The following PRKG1 variants were observed in gnomAD, a reference collection of about 807,000 sequenced individuals.
PRKG1 encodes cGMP-dependent protein kinase 1.
A neutral mutation model predicts 88.1 loss-of-function variants in PRKG1; 35 were observed. That is an observed-to-expected ratio of 0.40 (90% CI 0.30 to 0.53). PRKG1 has a LOEUF of 0.53. Among genes scored for constraint, PRKG1 ranks in the 20% least tolerant of loss-of-function variants. The pLI, the probability that PRKG1 is intolerant of heterozygous loss-of-function variation, is 0.59. For missense variants in PRKG1, 540 were observed against 839.8 expected, an observed-to-expected ratio of 0.64 and a Z score of 4.41; for synonymous variants, 303 against 292.5, an observed-to-expected ratio of 1.04 and a Z score of -0.37.
chr10:52,063,804 C>G (rs1846293552), intron 7 of PRKG1, among the ~76,000 whole-genome samples: 1 of 151,972 alleles, frequency 6.6e-6, no homozygotes, highest in Admixed American at 6.6e-5. Context: ...GAGAGGGTAG[C>G]TCCTCTCTGC....
At chr10:51,033,175 A>G (rs1191674481) in intron 1 of PRKG1, among the ~76,000 whole-genome samples, 1 of 152,130 alleles carries the variant, frequency 6.6e-6, no homozygotes, top group Non-Finnish European at 1.5e-5. Context: ...TCCTATGTCC[A>G]GTTACTCATA....
At chr10:51,389,590 G>T (rs1257126645) in intron 2 of PRKG1, among the ~76,000 whole-genome samples, 2 of 152,058 alleles carry the variant, frequency 1.3e-5, no homozygotes, top group Non-Finnish European at 2.9e-5. Context: ...CTTGGTGGGT[G>T]TCCCATCAAG....
At chr10:51,959,143 G>T (rs77944580) in intron 5 of PRKG1, among the ~76,000 whole-genome samples, 13,364 of 152,158 alleles carry the variant, frequency 0.088, 800 homozygotes, top group Middle Eastern at 0.13. Context: ...TTTATTTCAG[G>T]TGTAATTCAG....
At chr10:51,968,246 G>A (rs151299066) in intron 5 of PRKG1, among the ~76,000 whole-genome samples, 447 of 152,160 alleles carry the variant, frequency 2.9e-3, no homozygotes, top group Non-Finnish European at 5.0e-3. Flanking sequence ...AGAGTACCAG[G>A]AGACCAAGGC....
At chr10:51,057,395 A>C (rs118033231) in intron 1 of PRKG1, among the ~76,000 whole-genome samples, 3,515 of 152,310 alleles carry the variant, frequency 0.023, 57 homozygotes, top group Non-Finnish European at 0.039. Flanking sequence ...TAAAATCAAT[A>C]TGGATTTTGT....
intron 3 of PRKG1, among the ~76,000 whole-genome samples, chr10:51,678,997 AT>A (rs1454752841): frequency 2.0e-5 from 3 of 152,246 alleles, no homozygotes; most frequent in Admixed American, 2.0e-4. Flanking sequence ...ATAGATATTT[AT>A]AAATTTTAAT....
intron 5 of PRKG1, among the ~76,000 whole-genome samples, chr10:52,015,220 T>A (rs1041873599): frequency 7.9e-5 from 12 of 152,272 alleles, no homozygotes; most frequent in African/African-American, 2.6e-4. Context: ...TTTCCATACA[T>A]CCTCTGAAAT....
chr10:51,303,238 A>G (rs1165379472), intron 2 of PRKG1, among the ~76,000 whole-genome samples: 1 of 152,102 alleles, frequency 6.6e-6, no homozygotes, highest in Admixed American at 6.5e-5. Context: ...TTTTCTCTCA[A>G]GGACTTCCCA....
intron 5 of PRKG1, among the ~76,000 whole-genome samples, chr10:52,023,075 C>T (rs542859635): frequency 1.3e-5 from 2 of 152,138 alleles, no homozygotes; most frequent in Admixed American, 6.5e-5. Flanking sequence ...TAGCCCCCCA[C>T]ACCCCGACAG....
chr10:52,158,612 T>C (rs192768109), intron 8 of PRKG1, among the ~76,000 whole-genome samples: 3 of 151,808 alleles, frequency 2.0e-5, no homozygotes, highest in African/African-American at 7.2e-5. Context: ...ATAATATTAC[T>C]TGAAAATTCT....
intron 2 of PRKG1, among the ~76,000 whole-genome samples, chr10:51,282,171 T>C (rs1840318434): frequency 6.6e-6 from 1 of 152,168 alleles, no homozygotes; most frequent in Non-Finnish European, 1.5e-5. Flanking sequence ...AGGTAGGATG[T>C]TCCTTAAGTT....
chr10:51,034,666 A>AG (rs1554831107), intron 1 of PRKG1, among the ~76,000 whole-genome samples: 3 of 25,748 alleles, frequency 1.2e-4, no homozygotes. Context: ...ATAATATGTT[A>AG]TTTATATATA....
intron 3 of PRKG1, among the ~76,000 whole-genome samples, chr10:51,656,680 A>G (rs1340028657): frequency 6.6e-6 from 1 of 152,126 alleles, no homozygotes; most frequent in Admixed American, 6.6e-5. Context: ...TTCTTCCTAA[A>G]GCATAACTGT....
chr10:51,169,326 A>G (rs1589216011), intron 2 of PRKG1, among the ~76,000 whole-genome samples: 1 of 152,262 alleles, frequency 6.6e-6, no homozygotes, highest in South Asian at 2.1e-4. Flanking sequence ...TGTCTCTTTT[A>G]AAGTTTTCTT....
At chr10:51,593,775 A>G (rs1000327783) in intron 3 of PRKG1, among the ~76,000 whole-genome samples, 3 of 151,610 alleles carry the variant, frequency 2.0e-5, no homozygotes, top group Non-Finnish European at 4.4e-5. Flanking sequence ...CCCAGGCTGG[A>G]GGGCAATGAT....
chr10:52,031,810 T>G (rs1056699266), intron 5 of PRKG1, among the ~76,000 whole-genome samples: 4 of 152,198 alleles, frequency 2.6e-5, no homozygotes, highest in South Asian at 2.1e-4. Context: ...TGTGCTATGT[T>G]AAGGATGATC....
intron 3 of PRKG1, among the ~76,000 whole-genome samples, chr10:51,746,525 C>T (rs1837583340): frequency 6.6e-6 from 1 of 151,864 alleles, no homozygotes; most frequent in Non-Finnish European, 1.5e-5. Context: ...AGTTCGAGAC[C>T]AGCCTGGCCA....
chr10:52,260,334 GT>G (rs1426699602), intron 10 of PRKG1, among the ~76,000 whole-genome samples: 1 of 152,040 alleles, frequency 6.6e-6, no homozygotes, highest in African/African-American at 2.4e-5. Flanking sequence ...GTATGTAACA[GT>G]TTAAAAAATT....
intron 7 of PRKG1, among the ~76,000 whole-genome samples, chr10:52,106,494 G>A (rs975216893): frequency 1.3e-5 from 2 of 151,900 alleles, no homozygotes; most frequent in Admixed American, 6.6e-5. Context: ...GAACAGCATC[G>A]CACAGCATGT....
Sources: gnomAD v4.1 joint callset for allele counts (sites outside exome capture counted in the v4.1 genomes callset) on GRCh38, gnomAD v4.1.1 for gene constraint, MANE v1.5 for transcripts, NCBI Gene and HGNC (gene_info 2026-07-23, HGNC 2026-07-21) for gene names.